Variants in MCPH1 observed in about 807,000 individuals in gnomAD.
MCPH1 encodes the protein microcephalin.
A neutral mutation model predicts 84.5 loss-of-function variants in MCPH1; 104 were observed. The ratio of observed to expected loss-of-function variants is 1.23; its 90% CI spans 1.05 to 1.45. The LOEUF (loss-of-function observed/expected upper bound fraction) is 1.45. MCPH1 is among the 40% of genes most tolerant of loss of function. MCPH1 has a pLI of 0.00. For missense variants in MCPH1, 1,498 were observed against 1,005.7 expected (o/e 1.49, Z -6.62); for synonymous variants, 514 against 366.8 (o/e 1.40, Z -4.58).
intron 12 of MCPH1, among the ~76,000 whole-genome samples, chr8:6,607,303 T>C (rs138298673): frequency 3.3e-5 from 5 of 152,298 alleles, no homozygotes; most frequent in South Asian, 2.1e-4. Context: ...CACCATTAGC[T>C]CACTCCCAGT....
intron 9 of MCPH1, among the ~76,000 whole-genome samples, chr8:6,476,503 C>T (rs1430288872): frequency 1.3e-5 from 2 of 150,738 alleles, no homozygotes; most frequent in East Asian, 1.9e-4. Context: ...TAAAATTTTA[C>T]TCAGATGTGT....
chr8:6,444,483 C>G lies in MCPH1; in HGVS notation c.761C>G (p.Ser254Cys). Residue 254 changes from serine (S) to cysteine (C), a missense_variant, in exon 8 of 14, where the codon TCC (serine) becomes TGC (cysteine). Transcript: ENST00000344683. Reference protein sequence around the residue: ...CGNQERKLEGSINDIKSDVCI... With the variant: ...CGNQERKLEGCINDIKSDVCI... ...AATCAGGAAAGGAAGTTGGAAGGAT[C>G]CATTAATGACATTAAAAGTGATGTG... The G allele has an allele frequency of 6.2e-7, 1 of 1,614,108 alleles. No homozygotes were observed. The highest frequency in any genetic ancestry group is 8.5e-7 in the Non-Finnish European group (1 of 1,180,000).
intron 12 of MCPH1, among the ~76,000 whole-genome samples, chr8:6,591,485 G>C (rs1031096326): frequency 3.3e-5 from 5 of 152,232 alleles, no homozygotes; most frequent in African/African-American, 1.2e-4. Context: ...GGAATGAATG[G>C]TCAGTGGAAC....
chr8:6,542,216 C>G (rs997682878), intron 12 of MCPH1, among the ~76,000 whole-genome samples: 3 of 152,012 alleles, frequency 2.0e-5, no homozygotes, highest in Admixed American at 1.3e-4. Context: ...CAGTGTTTTT[C>G]TATGCCAAAT....
At chr8:6,476,101 T>C (rs951842631) in intron 9 of MCPH1, among the ~76,000 whole-genome samples, 1 of 152,128 alleles carries the variant, frequency 6.6e-6, no homozygotes, top group African/African-American at 2.4e-5. Context: ...AATACAGACA[T>C]ACAAACAGAC....
chr8:6,563,069 T>G, intron 12 of MCPH1: 1 of 953,578 alleles, frequency 1.0e-6, no homozygotes, highest in Non-Finnish European at 1.5e-6. Context: ...GTCTTCTCTT[T>G]CCTCTTTTTC....
At chr8:6,554,768 T>C (rs1824297816) in intron 12 of MCPH1, among the ~76,000 whole-genome samples, 1 of 151,638 alleles carries the variant, frequency 6.6e-6, no homozygotes, top group African/African-American at 2.4e-5. Context: ...AGCGGGAGAG[T>C]CCACAGGTTT....
intron 12 of MCPH1, among the ~76,000 whole-genome samples, chr8:6,565,048 C>G (rs1396899532): frequency 6.6e-6 from 1 of 152,122 alleles, no homozygotes; most frequent in African/African-American, 2.4e-5. Context: ...GATGCTATAC[C>G]CATCCGGACA....
intron 12 of MCPH1, chr8:6,532,604 A>G (rs1819736242): frequency 2.8e-6 from 2 of 725,660 alleles, no homozygotes; most frequent in South Asian, 3.7e-5. Context: ...CTATCAAAAG[A>G]CTTGTACCTT....
chr8:6,417,132 C>G (rs957671073), intron 3 of MCPH1, among the ~76,000 whole-genome samples: 1 of 152,028 alleles, frequency 6.6e-6, no homozygotes, highest in Non-Finnish European at 1.5e-5. Context: ...TGTGTAGTTG[C>G]CTGTGTTTCT....
chr8:6,517,765 C>G (rs1586296430), intron 12 of MCPH1, among the ~76,000 whole-genome samples: 1 of 152,184 alleles, frequency 6.6e-6, no homozygotes, highest in Non-Finnish European at 1.5e-5. Context: ...GGTTAAATGA[C>G]TCGCCCAGAG....
intron 6 of MCPH1, among the ~76,000 whole-genome samples, chr8:6,439,869 C>T (rs1451687738): frequency 6.6e-6 from 1 of 152,142 alleles, no homozygotes; most frequent in Non-Finnish European, 1.5e-5. Flanking sequence ...TCTTGATACC[C>T]ATCTAATTGT....
At position 6,535,665 on chromosome 8, in the gene MCPH1, C is replaced by G. The variant is rs80233401; in HGVS notation, c.2214+35736C>G. 9.2e-4 allele frequency among the ~76,000 whole-genome samples: 140 copies of G among 152,288 alleles called. 1 individual carries two copies. The East Asian group carries it at 0.024, about 26-fold the overall frequency. ...AAATAAAAGAAAATTCTGTGTGATA[C>G]TGACTGCATTGCTAATTAATTGAAG... On this transcript the variant is annotated intron_variant, in intron 12 of 13. Transcript: ENST00000344683.
chr8:6,643,144 G>T lies in MCPH1; in HGVS notation c.*95G>T. The T allele has an allele frequency of 9.4e-7, 1 of 1,065,452 alleles. No individual in the cohort carries two copies. The highest frequency in any genetic ancestry group is 1.4e-6 in the Non-Finnish European group (1 of 695,448). 66.0% of individuals were successfully genotyped at this position (1,065,452 alleles called of 1,614,324 possible). The stretch of plus-strand genomic sequence containing the variant: ...ACAAAACTGTGAAGAGAAGGAACTG[G>T]CGTATACAAGATGACTTCTGATATC... On this transcript the variant is annotated 3_prime_UTR_variant, in exon 14 of 14. Coordinates refer to ENST00000344683, the MANE Select transcript of MCPH1 (RefSeq NM_024596.5).
chr8:6,436,969 C>CA (rs1055833673), intron 5 of MCPH1, among the ~76,000 whole-genome samples: 2,070 of 145,970 alleles, frequency 0.014, 48 homozygotes, highest in African/African-American at 0.046. Context: ...GACTCCAACT[C>CA]AAAAAAAAAA....
chr8:6,629,513 T>C (rs1420010849), intron 13 of MCPH1, among the ~76,000 whole-genome samples: 5 of 152,122 alleles, frequency 3.3e-5, no homozygotes, highest in Non-Finnish European at 7.4e-5. Context: ...AAGATATTTT[T>C]GCACAGAGAA....
At chr8:6,415,352 ATCTT>A (rs1799119842) in intron 3 of MCPH1, among the ~76,000 whole-genome samples, 2 of 149,084 alleles carry the variant, frequency 1.3e-5, no homozygotes, top group African/African-American at 5.0e-5. Flanking sequence ...CAGTAGCTGG[ATCTT>A]GGGTCACTGC....
chr8:6,568,105 C>A (rs1826351160), intron 12 of MCPH1, among the ~76,000 whole-genome samples: 1 of 152,170 alleles, frequency 6.6e-6, no homozygotes, highest in South Asian at 2.1e-4. Flanking sequence ...CTACCTACTC[C>A]CAGAAAGAGG....
In MCPH1 at chr8:6,646,663, G is replaced by C. The variant is rs1248293091; in HGVS notation, c.*3614G>C. ...TTGCTGGGGTGGATAATTCTTTCCT[G>C]TGGAGAGCTGTCCTGTGCACTGTAG... On this transcript the variant is annotated 3_prime_UTR_variant, in exon 14 of 14. Transcript: ENST00000344683. 1 of 152,192 alleles carries C rather than the reference G, an allele frequency of 6.6e-6. No individual in the cohort carries two copies. The highest frequency in any genetic ancestry group is 1.5e-5 in the Non-Finnish European group (1 of 68,052). The allele number at this position is 152,192 out of a possible 1,614,324, so 9.4% of individuals were successfully genotyped here.
Sources: allele counts gnomAD v4.1 joint callset (sites outside exome capture counted in the v4.1 genomes callset), GRCh38; gene constraint gnomAD v4.1.1; transcripts MANE v1.5; gene names NCBI Gene and HGNC (gene_info 2026-07-23, HGNC 2026-07-21).